Variants in COP1 observed in about 807,000 individuals in gnomAD.
COP1 encodes the protein E3 ubiquitin-protein ligase COP1.
A neutral mutation model predicts 101.3 loss-of-function variants in COP1; 24 were observed. That is an observed-to-expected ratio of 0.24 (90% CI 0.17 to 0.33). The LOEUF (loss-of-function observed/expected upper bound fraction) is 0.33. COP1 is among the 10% of genes least tolerant of loss of function. The pLI is 1.00. For missense variants in COP1, 663 were observed against 906.2 expected, an observed-to-expected ratio of 0.73 and a Z score of 3.45; for synonymous variants, 347 against 341.9, an observed-to-expected ratio of 1.01 and a Z score of -0.17.
chr1:175,985,364 A>C (rs6666738), intron 18 of COP1, among the ~76,000 whole-genome samples: 2,586 of 152,346 alleles, frequency 0.017, 70 homozygotes, highest in African/African-American at 0.058. Flanking sequence ...TAAAGCACTT[A>C]GATGATCTTA....
At chr1:175,992,252 C>T (rs1304369117) in intron 15 of COP1, among the ~76,000 whole-genome samples, 1 of 151,834 alleles carries the variant, frequency 6.6e-6, no homozygotes, top group African/African-American at 2.4e-5. Flanking sequence ...TAAAAATGTA[C>T]AATGGGAGGT....
intron 8 of COP1, among the ~76,000 whole-genome samples, chr1:176,118,385 A>C (rs796913808): frequency 1.1e-4 from 16 of 152,336 alleles, no homozygotes; most frequent in African/African-American, 3.6e-4. Context: ...GTACAAACAT[A>C]AAATTACACG....
chr1:176,132,476 T>C (rs1248209078), intron 8 of COP1, among the ~76,000 whole-genome samples: 2 of 151,282 alleles, frequency 1.3e-5, no homozygotes, highest in African/African-American at 4.9e-5. Flanking sequence ...TCATAGAGTA[T>C]ACTTACACAA....
At chr1:176,187,811 G>C (rs550151367) in intron 1 of COP1, among the ~76,000 whole-genome samples, 1 of 152,016 alleles carries the variant, frequency 6.6e-6, no homozygotes, top group African/African-American at 2.4e-5. Context: ...GAGAAAATAC[G>C]GGAAAATATA....
At chr1:176,064,590 T>G (rs994197598) in intron 11 of COP1, among the ~76,000 whole-genome samples, 2 of 152,234 alleles carry the variant, frequency 1.3e-5, no homozygotes, top group Non-Finnish European at 2.9e-5. Context: ...TGACCTCATA[T>G]GAAATTAATA....
At chr1:176,047,955 T>G (rs959604869) in intron 11 of COP1, among the ~76,000 whole-genome samples, 2 of 151,724 alleles carry the variant, frequency 1.3e-5, no homozygotes, top group African/African-American at 4.8e-5. Context: ...GGTTCTTGTC[T>G]CCAGAGACTT....
In COP1 at chr1:176,157,674, T is replaced by G. The variant is rs188406068; in HGVS notation, c.762+5195A>C. 4.1e-4 allele frequency among the ~76,000 whole-genome samples: 62 copies of G among 152,280 alleles called. 2 individuals are homozygous for G. Among genetic ancestry groups the G allele is most frequent in the Admixed American group, 3.0e-3 (46 of 15,292 alleles). On this transcript the variant is annotated intron_variant, in intron 5 of 19. Transcript: ENST00000367669. The stretch of plus-strand genomic sequence containing the variant: ...ACTGTTTCCAAGTAACTTAACTACA[T>G]GTCAGGACAAAGTTCAGGAATATAT...
chr1:176,092,409 T>G (rs1681495542), intron 9 of COP1, among the ~76,000 whole-genome samples: 1 of 152,112 alleles, frequency 6.6e-6, no homozygotes, highest in African/African-American at 2.4e-5. Context: ...AATTAAGAAC[T>G]TCTGTTCACC....
chr1:176,002,170 T>G (rs531833457), intron 15 of COP1, among the ~76,000 whole-genome samples: 116 of 152,084 alleles, frequency 7.6e-4, no homozygotes, highest in African/African-American at 2.7e-3. Context: ...TCTACAAATA[T>G]TTTCTACCTC....
Position 175,999,082 on chromosome 1 carries a change from G to C in COP1, c.1730-9603C>G, listed in dbSNP as rs572689527. On this transcript the variant is annotated intron_variant, in intron 15 of 19. Transcript: ENST00000367669. ...GCATTGTGGACAGTTTTCAACCCAT[G>C]ATGGTATGAGAAAGTAAATGTAGCA... Among the ~76,000 whole-genome samples the C allele has an allele frequency of 4.5e-4, 68 of 152,182 alleles. 1 individual carries two copies. Among genetic ancestry groups the C allele is most frequent in the African/African-American group, 1.6e-3 (67 of 41,544 alleles).
chr1:176,051,011 G>A (rs573218632), intron 11 of COP1, among the ~76,000 whole-genome samples: 1 of 152,142 alleles, frequency 6.6e-6, no homozygotes, highest in East Asian at 1.9e-4. Flanking sequence ...TATATATAGT[G>A]ATAATAACAC....
At chr1:176,137,923 C>T (rs925777326) in intron 6 of COP1, among the ~76,000 whole-genome samples, 1 of 152,092 alleles carries the variant, frequency 6.6e-6, no homozygotes, top group Non-Finnish European at 1.5e-5. Context: ...ACCCTGAGTT[C>T]AGTCTAGGGG....
rs1298748510 is a variant in COP1 at position 175,945,020 on chromosome 1, A to G, written c.*133T>C. Reference sequence around the variant, plus strand: ...GGAGGGAAAAGAAAAAAAGAAAAAAATATTCAAAACAAATCCAAAACCCAT... The same window carrying G: ...GGAGGGAAAAGAAAAAAAGAAAAAAGTATTCAAAACAAATCCAAAACCCAT... On this transcript the variant is annotated 3_prime_UTR_variant, in exon 20 of 20. Coordinates refer to ENST00000367669, the MANE Select transcript of COP1 (RefSeq NM_022457.7). 1.3e-6 allele frequency: 1 copy of G among 742,058 alleles called. No homozygotes were observed. Among genetic ancestry groups the G allele is most frequent in the African/African-American group, 1.9e-5 (1 of 54,040 alleles). The allele number at this position is 742,058 out of a possible 1,614,324, so 46.0% of individuals were successfully genotyped here. A position where few individuals can be genotyped will look rare whatever the true frequency, so the allele number is the denominator to read the frequency against.
chr1:176,178,133 C>T (rs538321606), intron 2 of COP1, among the ~76,000 whole-genome samples: 1 of 152,008 alleles, frequency 6.6e-6, no homozygotes, highest in African/African-American at 2.4e-5. Context: ...AAATAACATA[C>T]TAAATCTTTA....
chr1:176,138,001 A>G (rs943330198), intron 6 of COP1, among the ~76,000 whole-genome samples: 5 of 152,148 alleles, frequency 3.3e-5, no homozygotes, highest in Admixed American at 3.3e-4. Context: ...TATACAACGT[A>G]TTAAGGGAAT....
intron 1 of COP1, among the ~76,000 whole-genome samples, chr1:176,203,320 G>C (rs369426390): frequency 6.6e-6 from 1 of 152,036 alleles, no homozygotes; most frequent in Admixed American, 6.6e-5. Flanking sequence ...CTGGGCAGCA[G>C]AGCGAGACTC....
At chr1:176,118,199 T>C (rs1686529503) in intron 8 of COP1, among the ~76,000 whole-genome samples, 1 of 152,202 alleles carries the variant, frequency 6.6e-6, no homozygotes, top group African/African-American at 2.4e-5. Context: ...GTATGAGATT[T>C]AAATAAGATA....
chr1:175,971,058 C>A (rs1332318592), intron 18 of COP1, among the ~76,000 whole-genome samples: 2 of 152,142 alleles, frequency 1.3e-5, no homozygotes. Flanking sequence ...ATATAGAAGA[C>A]ATTTCAAAGA....
chr1:176,072,268 G>A (rs1317057516), intron 11 of COP1, among the ~76,000 whole-genome samples: 1 of 152,154 alleles, frequency 6.6e-6, no homozygotes, highest in Non-Finnish European at 1.5e-5. Flanking sequence ...ACAAATGCTA[G>A]AGTCCTACTT....
Sources: allele counts gnomAD v4.1 joint callset (sites outside exome capture counted in the v4.1 genomes callset), GRCh38; gene constraint gnomAD v4.1.1; transcripts MANE v1.5; gene names NCBI Gene and HGNC (gene_info 2026-07-23, HGNC 2026-07-21).